The following BDP1 variants were observed in gnomAD, a reference collection of about 807,000 sequenced individuals.
BDP1 encodes the protein transcription factor TFIIIB component B'' homolog.
BDP1 carries 169 observed loss-of-function variants against 266.6 expected under a neutral mutation model. That is an observed-to-expected ratio of 0.63 (90% CI 0.56 to 0.72). BDP1 has a LOEUF of 0.72. Ranked by LOEUF, BDP1 falls within the 30% of genes least tolerant of loss-of-function variation. The pLI, the probability that BDP1 is intolerant of heterozygous loss-of-function variation, is 0.00. For synonymous variants in BDP1, 1,090 were observed against 1,022.4 expected (o/e 1.07, Z -1.26); for missense variants, 3,015 against 3,053.8 (o/e 0.99, Z 0.30).
intron 15 of BDP1, among the ~76,000 whole-genome samples, chr5:71,504,346 A>G (rs1023347256): frequency 1.3e-5 from 2 of 152,110 alleles, no homozygotes; most frequent in African/African-American, 4.8e-5. Flanking sequence ...ATTCAGAAAG[A>G]TAGACCCCAC....
At chr5:71,564,411 T>C (rs1580236769) in intron 38 of BDP1, among the ~76,000 whole-genome samples, 1 of 152,234 alleles carries the variant, frequency 6.6e-6, no homozygotes, top group East Asian at 1.9e-4. Context: ...AAATTTTTCA[T>C]GGAAATTAGG....
chr5:71,484,714 CTT>C (rs1763153288), intron 8 of BDP1, among the ~76,000 whole-genome samples: 1 of 151,904 alleles, frequency 6.6e-6, no homozygotes, highest in Non-Finnish European at 1.5e-5. Context: ...CAAGATAGGT[CTT>C]TTTTTCACCA....
At chr5:71,534,224 G>A (rs276594) in intron 26 of BDP1, among the ~76,000 whole-genome samples, 68,267 of 151,988 alleles carry the variant, frequency 0.45, 15,686 homozygotes, top group South Asian at 0.55. Flanking sequence ...TTGCTTTTAC[G>A]TTTAAGTCTT....
chr5:71,568,775 G>C (rs1744168627), downstream of BDP1, among the ~76,000 whole-genome samples: 1 of 152,136 alleles, frequency 6.6e-6, no homozygotes, highest in Non-Finnish European at 1.5e-5. Flanking sequence ...GTGCTTTCCA[G>C]CTCCAGTTAG....
chr5:71,557,515 G>A (rs2112048936), intron 36 of BDP1, among the ~76,000 whole-genome samples: 1 of 151,258 alleles, frequency 6.6e-6, no homozygotes, highest in East Asian at 2.0e-4. Flanking sequence ...CTCCCTAGTA[G>A]CTGGGACTAC....
chr5:71,527,182 A>C (rs1366171741), intron 25 of BDP1, among the ~76,000 whole-genome samples: 1 of 152,120 alleles, frequency 6.6e-6, no homozygotes, highest in Non-Finnish European at 1.5e-5. Context: ...CGGCCTCCCA[A>C]AGTGCGGGGA....
chr5:71,543,321 G>A (rs934246588), intron 30 of BDP1, among the ~76,000 whole-genome samples: 2 of 152,152 alleles, frequency 1.3e-5, no homozygotes, highest in Non-Finnish European at 2.9e-5. Context: ...GGCTGGGCAC[G>A]GTGGTGGTGC....
intron 9 of BDP1, among the ~76,000 whole-genome samples, chr5:71,487,533 G>A (rs551906094): frequency 3.3e-5 from 5 of 152,208 alleles, no homozygotes; most frequent in East Asian, 3.9e-4. Context: ...GTGAGCCACC[G>A]TGCCCGGCCC....
intron 7 of BDP1, among the ~76,000 whole-genome samples, chr5:71,480,290 T>C (rs1275143135): frequency 4.4e-5 from 2 of 45,532 alleles, no homozygotes; most frequent in African/African-American, 1.5e-4. Context: ...TTTTTTTTTT[T>C]TTTTTTTTTT....
rs761803402 is a variant in BDP1, at chr5:71,504,621, A to T, written c.2242A>T (p.Thr748Ser). 2 of 1,600,768 alleles carry T rather than the reference A, an allele frequency of 1.2e-6. No homozygotes were observed. Among genetic ancestry groups the T allele is most frequent in the Non-Finnish European group, 1.7e-6 (2 of 1,175,690 alleles). The change falls in exon 16 of 39, where the codon ACT (threonine) becomes TCT (serine). Residue 748 changes from threonine to serine, a missense_variant and splice_region_variant. Physicochemically the swap from Thr to Ser is moderately conservative, Grantham distance 58 (BLOSUM62 1). Coordinates refer to ENST00000358731, the MANE Select transcript of BDP1 (RefSeq NM_018429.3). ...NENESCADRD[T>S]PQHMEDQSRK... ...TTAGAAAAATTTGTTTGTTTTTAAG[A>T]CTCCTCAACACATGGAAGATCAATC...
At chr5:71,530,512 G>A (rs1766175351) in intron 25 of BDP1, among the ~76,000 whole-genome samples, 1 of 151,992 alleles carries the variant, frequency 6.6e-6, no homozygotes, top group Non-Finnish European at 1.5e-5. Flanking sequence ...CCAAAGTGCT[G>A]GGATTACAGG....
chr5:71,488,273 G>A (rs1763386573), intron 9 of BDP1, among the ~76,000 whole-genome samples: 1 of 151,960 alleles, frequency 6.6e-6, no homozygotes, highest in Non-Finnish European at 1.5e-5. Flanking sequence ...TTACAGGCAT[G>A]TGCCACCATG....
intron 34 of BDP1, among the ~76,000 whole-genome samples, chr5:71,552,851 G>A (rs914377066): frequency 1.3e-5 from 2 of 151,722 alleles, no homozygotes; most frequent in South Asian, 2.1e-4. Context: ...GGGAGAGGGA[G>A]AGGGTAATAT....
intron 34 of BDP1, 104 bp downstream of exon 34, chr5:71,549,710 G>A: frequency 2.2e-6 from 2 of 916,426 alleles, no homozygotes; most frequent in Non-Finnish European, 3.1e-6. Flanking sequence ...TTATTGTTGT[G>A]GAGATCTTAT....
intron 6 of BDP1, among the ~76,000 whole-genome samples, chr5:71,469,202 G>A (rs188028022): frequency 7.3e-5 from 11 of 150,998 alleles, no homozygotes; most frequent in Admixed American, 1.3e-4. Flanking sequence ...GCAGTGGTGC[G>A]ATCTTGGCTC....
At chr5:71,524,448 A>G (rs1181089398) in intron 25 of BDP1, 125 bp downstream of exon 25, 1 of 1,045,202 alleles carries the variant, frequency 9.6e-7, no homozygotes, top group Non-Finnish European at 1.3e-6. Flanking sequence ...TCTCTAAATA[A>G]CCTCTACCAA....
In BDP1 at chr5:71,486,792, A is replaced by G. The variant is rs561939668; in HGVS notation, c.1213+165A>G. On this transcript the variant is annotated intron_variant, in intron 9 of 38. Coordinates refer to ENST00000358731, the MANE Select transcript of BDP1 (RefSeq NM_018429.3). ...TTTCAATCAACTAGTTATCTGGTCC[A>G]AAACAATAGCTTTCTTTTAAAATTT... Among the ~76,000 whole-genome samples, 3 of 152,326 alleles carry G rather than the reference A, an allele frequency of 2.0e-5. No homozygotes were observed. The South Asian group carries it at 6.2e-4, about 32-fold the overall frequency.
Position 71,522,821 on chromosome 5 carries a change from G to A in BDP1, c.5259G>A (p.Glu1753=), listed in dbSNP as rs765663495. ...GAAAAGATTGTGTAGGTTCCAAAGA[G>A]TCTGCTTTGGCAAAAATAGATGCGG... ...SARKDCVGSK[E]SALAKIDAEL... Residue 1753 remains glutamate (E), a synonymous_variant, in exon 24 of 39, where the codon GAG becomes GAA. Transcript: ENST00000358731. 33 of 1,613,654 alleles carry A rather than the reference G, an allele frequency of 2.0e-5. No homozygotes were observed. The highest frequency in any genetic ancestry group is 2.5e-5 in the Non-Finnish European group (30 of 1,179,870).
chr5:71,480,277 A>ATTTTTTTTTTTTTT (rs552593030), intron 7 of BDP1, among the ~76,000 whole-genome samples: 1 of 105,008 alleles, frequency 9.5e-6, no homozygotes, highest in African/African-American at 3.6e-5. Flanking sequence ...TGCCCAGCTA[A>ATTTTTTTTTTTTTT]TTTTTTTTTT....
Sources: gnomAD v4.1 joint callset for allele counts (sites outside exome capture counted in the v4.1 genomes callset) on GRCh38, gnomAD v4.1.1 for gene constraint, MANE v1.5 for transcripts, NCBI Gene and HGNC (gene_info 2026-07-23, HGNC 2026-07-21) for gene names.